Variants in PCAT7 observed in about 807,000 individuals in gnomAD.
PCAT7 encodes prostate cancer associated transcript 7.
chr9:94,568,681 A>G (rs1374056175), intron 2 of PCAT7: 1 of 152,236 alleles, frequency 6.6e-6, no homozygotes, highest in African/African-American at 2.4e-5. Flanking sequence ...GAGAGGTGAC[A>G]CTGTCCCTGT....
intron 2 of PCAT7, chr9:94,568,862 C>G (rs1314663012): frequency 6.6e-6 from 1 of 152,160 alleles, no homozygotes; most frequent in Non-Finnish European, 1.5e-5. Context: ...CAGACAATAT[C>G]CAATCCAGAC....
intron 2 of PCAT7, chr9:94,567,390 G>A (rs944711585): frequency 6.2e-7 from 1 of 1,614,014 alleles, no homozygotes; most frequent in Admixed American, 1.7e-5. Context: ...TTTCCACCAG[G>A]ACAAATTCAC....
chr9:94,568,865 A>T (rs942319899), intron 2 of PCAT7: 4 of 152,138 alleles, frequency 2.6e-5, no homozygotes, highest in Admixed American at 2.6e-4. Context: ...ACAATATCCA[A>T]TCCAGACTGA....
chr9:94,568,671 G>A (rs598386), intron 2 of PCAT7: 73,916 of 151,978 alleles, frequency 0.49, 18,590 homozygotes, highest in East Asian at 0.61. Context: ...GTGTTGCTAC[G>A]AGAGGTGACA....
chr9:94,567,374 C>T (rs1827205630), intron 2 of PCAT7: 3 of 1,614,168 alleles, frequency 1.9e-6, no homozygotes, highest in Non-Finnish European at 2.5e-6. Flanking sequence ...TTAATCTTGA[C>T]ATCTTTTTCC....
chr9:94,571,590 C>T (rs139243565), intron 2 of PCAT7: 3 of 1,613,092 alleles, frequency 1.9e-6, no homozygotes, highest in African/African-American at 1.3e-5. Context: ...TCAGAAGGCT[C>T]ATCCTCTGAG....
chr9:94,556,484 A>T (rs1171597896), intron 1 of PCAT7, among the ~76,000 whole-genome samples: 1 of 152,142 alleles, frequency 6.6e-6, no homozygotes, highest in Non-Finnish European at 1.5e-5. Context: ...TCAGGAAAAG[A>T]AGGTGGGGAA....
intron 2 of PCAT7, among the ~76,000 whole-genome samples, chr9:94,572,272 A>G (rs1827277655): frequency 6.6e-6 from 1 of 151,920 alleles, no homozygotes; most frequent in Admixed American, 6.6e-5. Flanking sequence ...CCTTATCCAA[A>G]ATGGGGACTC....
chr9:94,574,316 T>C (rs612952), intron 3 of PCAT7, among the ~76,000 whole-genome samples: 73,942 of 152,008 alleles, frequency 0.49, 18,625 homozygotes, highest in African/African-American at 0.61. Context: ...TAATTCAGCC[T>C]GGTAAACACA....
chr9:94,571,577 T>C, intron 2 of PCAT7: 1 of 1,613,102 alleles, frequency 6.2e-7, no homozygotes, highest in Non-Finnish European at 8.5e-7. Flanking sequence ...CAGGGCATCC[T>C]TTTCAGAAGG....
intron 1 of PCAT7, among the ~76,000 whole-genome samples, chr9:94,556,006 G>A (rs1172654166): frequency 6.6e-6 from 1 of 151,096 alleles, no homozygotes; most frequent in Non-Finnish European, 1.5e-5. Context: ...GGGTAGATGG[G>A]GAAAAGAGGG....
At chr9:94,573,035 C>T (rs750471477) in exon 3 of PCAT7, 3 of 152,142 alleles carry the variant, frequency 2.0e-5, no homozygotes, top group Non-Finnish European at 4.4e-5. Flanking sequence ...AGTGTTATTA[C>T]CTGCTTTCCA....
chr9:94,557,813 C>T (rs961761846), intron 1 of PCAT7, among the ~76,000 whole-genome samples: 24 of 152,182 alleles, frequency 1.6e-4, no homozygotes, highest in Non-Finnish European at 1.5e-5. Flanking sequence ...GAATGTCTTT[C>T]TTAGCCTCCA....
At chr9:94,568,736 AAAC>A (rs1486202492) in intron 2 of PCAT7, 4 of 152,330 alleles carry the variant, frequency 2.6e-5, no homozygotes, top group African/African-American at 7.2e-5. Context: ...AAAAACAACT[AAAC>A]AATCCTTTCC....
intron 2 of PCAT7, among the ~76,000 whole-genome samples, chr9:94,561,437 A>G (rs1420048527): frequency 1.5e-5 from 2 of 130,868 alleles, no homozygotes; most frequent in Non-Finnish European, 3.1e-5. Flanking sequence ...ATCTCGGCTC[A>G]CTGCAAGCTC....
intron 2 of PCAT7, chr9:94,570,595 G>C (rs1827258345): frequency 6.6e-6 from 1 of 152,182 alleles, no homozygotes; most frequent in Non-Finnish European, 1.5e-5. Flanking sequence ...GGTAATATTT[G>C]CAAGCCATAG....
At chr9:94,562,093 C>T (rs1022121271) in intron 2 of PCAT7, among the ~76,000 whole-genome samples, 12 of 151,992 alleles carry the variant, frequency 7.9e-5, no homozygotes, top group South Asian at 2.1e-4. Flanking sequence ...GGGCGGATCA[C>T]GAGGTCAGGA....
rs192299553 is a variant in PCAT7 at position 94,565,547 on chromosome 9, G to A, written n.441+6395G>A. On this transcript the variant is annotated intron_variant and non_coding_transcript_variant, in intron 2 of 8. Coordinates refer to ENST00000647389, the Ensembl canonical transcript of PCAT7. ...CATAAAATCAAAACATTTAAATACAGAAAGAATCTTTCAGCAGACACACAG... is the reference window on the plus strand; with the variant it reads ...CATAAAATCAAAACATTTAAATACAAAAAGAATCTTTCAGCAGACACACAG... Among the ~76,000 whole-genome samples the A allele has an allele frequency of 5.3e-4, 80 of 152,112 alleles. 3 individuals carry two copies. In the East Asian group the frequency reaches 0.012, roughly 23 times the overall value.
intron 2 of PCAT7, chr9:94,567,739 G>T: frequency 4.0e-6 from 1 of 251,750 alleles, no homozygotes; most frequent in East Asian, 7.8e-5. Flanking sequence ...TATCTCCCAA[G>T]TTCTCACCCG....
Sources: allele counts gnomAD v4.1 joint callset (sites outside exome capture counted in the v4.1 genomes callset), GRCh38; gene constraint gnomAD v4.1.1; transcripts MANE v1.5; gene names NCBI Gene and HGNC (gene_info 2026-07-23, HGNC 2026-07-21).